Variants in GPATCH1 observed in about 807,000 individuals in gnomAD.
The protein encoded by GPATCH1 is G-patch domain containing 1.
GPATCH1 carries 73 observed loss-of-function variants against 114.9 expected under a neutral mutation model. The observed-to-expected ratio is 0.64, with a 90% CI of 0.53 to 0.77. GPATCH1 has a LOEUF of 0.77. Ranked by LOEUF, GPATCH1 falls within the 30% of genes least tolerant of loss-of-function variation. The pLI is 0.00. For synonymous variants in GPATCH1, 391 were observed against 428.4 expected, an observed-to-expected ratio of 0.91 and a Z score of 1.08; for missense variants, 1,058 against 1,144.3, an observed-to-expected ratio of 0.92 and a Z score of 1.09.
At chr19:33,116,500 A>C (rs1972917239) in intron 15 of GPATCH1, among the ~76,000 whole-genome samples, 1 of 152,142 alleles carries the variant, frequency 6.6e-6, no homozygotes, top group Non-Finnish European at 1.5e-5. Flanking sequence ...TGCTGGATAT[A>C]GAATTCTGGG....
intron 12 of GPATCH1, 56 bp from the exon 13 acceptor site, chr19:33,112,430 G>A: frequency 1.3e-6 from 2 of 1,591,886 alleles, no homozygotes; most frequent in East Asian, 2.2e-5. Context: ...AAATGGGAGA[G>A]CAGTCAGGTC....
chr19:33,090,778 A>G lies in GPATCH1; in HGVS notation c.209-2A>G. 5 of 1,596,350 alleles carry G rather than the reference A, an allele frequency of 3.1e-6. No individual in the cohort carries two copies. The highest frequency in any genetic ancestry group is 4.3e-6 in the Non-Finnish European group (5 of 1,166,196). ...TAAAGTTCTAAACTCTTTTTTTTTCAGGATGGACACCCTCTACCTTTGTGT... is the reference window on the plus strand; with the variant it reads ...TAAAGTTCTAAACTCTTTTTTTTTCGGGATGGACACCCTCTACCTTTGTGT... On this transcript the variant is annotated splice_acceptor_variant, in intron 2 of 19. Transcript: ENST00000170564. LOFTEE classifies it high-confidence loss of function.
chr19:33,125,265 A>G, intron 18 of GPATCH1, 63 bp downstream of exon 18: 1 of 1,549,026 alleles, frequency 6.5e-7, no homozygotes, highest in East Asian at 2.4e-5. Flanking sequence ...AGCCCCCAGG[A>G]GTGTCATATA....
At chr19:33,089,453 T>C (rs1972570614) in intron 2 of GPATCH1, among the ~76,000 whole-genome samples, 1 of 152,200 alleles carries the variant, frequency 6.6e-6, no homozygotes, top group African/African-American at 2.4e-5. Context: ...TTAAGATATA[T>C]TAATCTAGAA....
intron 3 of GPATCH1, 73 bp from the exon 4 acceptor site, chr19:33,093,284 CAG>C: frequency 1.1e-6 from 1 of 894,114 alleles, no homozygotes; most frequent in Non-Finnish European, 1.6e-6. Flanking sequence ...TTTTTTTTAA[CAG>C]AAATAAAACT....
At chr19:33,109,180 G>A (rs1057326538) in intron 10 of GPATCH1, among the ~76,000 whole-genome samples, 3 of 151,974 alleles carry the variant, frequency 2.0e-5, no homozygotes, top group Non-Finnish European at 2.9e-5. Flanking sequence ...TCACACCACC[G>A]TACTCCAGTC....
At chr19:33,084,664 T>G in intron 1 of GPATCH1, among the ~76,000 whole-genome samples, 1 of 151,942 alleles carries the variant, frequency 6.6e-6, no homozygotes. Flanking sequence ...TTTTTTTTTT[T>G]TTCTTTTTTT....
chr19:33,101,697 G>A (rs1353821779), intron 9 of GPATCH1, 123 bp downstream of exon 9: 11 of 621,760 alleles, frequency 1.8e-5, no homozygotes, highest in Non-Finnish European at 2.5e-5. Flanking sequence ...AAAAACAACA[G>A]CCTGGTTACT....
chr19:33,099,434 C>T (rs1302671864), intron 8 of GPATCH1, among the ~76,000 whole-genome samples: 1 of 151,972 alleles, frequency 6.6e-6, no homozygotes, highest in African/African-American at 2.4e-5. Context: ...ACTCCTTCCA[C>T]TGAGCTCCGA....
At chr19:33,097,978 C>A in intron 8 of GPATCH1, 76 bp downstream of exon 8, 2 of 1,296,974 alleles carry the variant, frequency 1.5e-6, no homozygotes, top group Non-Finnish European at 2.2e-6. Context: ...AAGAGCGATA[C>A]AGGAGCACCA....
At chr19:33,106,604 T>C (rs1599859337) in intron 9 of GPATCH1, 91 bp from the exon 10 acceptor site, 3 of 1,052,902 alleles carry the variant, frequency 2.8e-6, no homozygotes, top group Admixed American at 3.6e-5. Flanking sequence ...AGGGGCGGGG[T>C]TAACAAGGCT....
At chr19:33,105,286 G>A (rs1972770734) in intron 9 of GPATCH1, among the ~76,000 whole-genome samples, 1 of 151,462 alleles carries the variant, frequency 6.6e-6, no homozygotes, top group South Asian at 2.1e-4. Flanking sequence ...ACAAAAATTA[G>A]CCAGGCATGG....
At chr19:33,111,017 A>T (rs1196049402) in intron 11 of GPATCH1, among the ~76,000 whole-genome samples, 1 of 149,042 alleles carries the variant, frequency 6.7e-6, no homozygotes, top group Non-Finnish European at 1.5e-5. Context: ...TACACACATC[A>T]TATTTTATTT....
rs779486418 is a variant in GPATCH1, at chr19:33,101,597, C to CT, written c.1080+30dup. ...AAAGTAAGAAAAACTTTTTTTCTTT[C>CT]TTTTTTTACTGGTTTAGTTCTTAAA... On this transcript the variant is annotated intron_variant, in intron 9 of 19. Coordinates refer to ENST00000170564, the MANE Select transcript of GPATCH1 (RefSeq NM_018025.3). The CT allele has an allele frequency of 6.1e-6, 7 of 1,150,004 alleles. No homozygotes were observed. The Admixed American group carries it at 7.2e-5, about 12-fold the overall frequency. 71.2% of individuals were successfully genotyped at this position (1,150,004 alleles called of 1,614,324 possible).
chr19:33,123,135 C>T (rs1359160624), intron 17 of GPATCH1, among the ~76,000 whole-genome samples: 1 of 151,694 alleles, frequency 6.6e-6, no homozygotes, highest in Admixed American at 6.6e-5. Context: ...CACGGTGGCT[C>T]ACGCCTGTAA....
intron 4 of GPATCH1, 50 bp from the exon 5 acceptor site, chr19:33,094,122 T>A: frequency 1.0e-6 from 1 of 991,012 alleles, no homozygotes; most frequent in Non-Finnish European, 1.6e-6. Context: ...TTTCATATTC[T>A]TTGTTAATGT....
At chr19:33,091,239 G>A (rs7260073) in intron 3 of GPATCH1, among the ~76,000 whole-genome samples, 30,561 of 151,426 alleles carry the variant, frequency 0.2, 4,475 homozygotes, top group African/African-American at 0.4. Context: ...GTGAAACCCC[G>A]TCTCTACTAA....
rs1972680538 is a variant in GPATCH1 at position 33,097,867 on chromosome 19, G to T, written c.965G>T (p.Gly322Val). ...KDEEPGDGLY[G>V]WTAPRQYKNQ... ...GAGGAGCCTGGAGACGGACTCTATGGCTGGACAGCACCCAGGCAGTATAAA... is the reference window on the plus strand; with the variant it reads ...GAGGAGCCTGGAGACGGACTCTATGTCTGGACAGCACCCAGGCAGTATAAA... The change falls in exon 8 of 20, where the codon GGC becomes GTC. Residue 322 changes from glycine to valine, a missense_variant. This residue lies in a region of GPATCH1 where 893 missense variants were observed against 977.4 expected (regional missense o/e 0.91). Coordinates refer to ENST00000170564, the MANE Select transcript of GPATCH1 (RefSeq NM_018025.3). The T allele has an allele frequency of 6.2e-7, 1 of 1,613,982 alleles. No homozygotes were observed. The highest frequency in any genetic ancestry group is 8.5e-7 in the Non-Finnish European group (1 of 1,179,996).
intron 1 of GPATCH1, among the ~76,000 whole-genome samples, chr19:33,087,847 T>C (rs1032543875): frequency 6.6e-5 from 10 of 151,688 alleles, no homozygotes; most frequent in African/African-American, 2.4e-4. Flanking sequence ...CCACGCCCGG[T>C]TAATTTTTGT....
Sources: gnomAD v4.1 joint callset for allele counts (sites outside exome capture counted in the v4.1 genomes callset) on GRCh38, gnomAD v4.1.1 for gene constraint, gnomAD v4.1.1 regional missense constraint, MANE v1.5 for transcripts, NCBI Gene and HGNC (gene_info 2026-07-23, HGNC 2026-07-21) for gene names.